SLC35F3: variants seen among roughly 807,000 people sequenced by gnomAD.
SLC35F3 encodes solute carrier family 35 member F3.
A neutral mutation model predicts 49.9 loss-of-function variants in SLC35F3; 25 were observed. The ratio of observed to expected loss-of-function variants is 0.50; its 90% CI spans 0.37 to 0.70. The LOEUF is 0.70. SLC35F3 is among the 30% of genes least tolerant of loss of function. SLC35F3 has a pLI of 0.00. For synonymous variants in SLC35F3, 275 were observed against 265.4 expected, an observed-to-expected ratio of 1.04 and a Z score of -0.35; for missense variants, 525 against 639.8, an observed-to-expected ratio of 0.82 and a Z score of 1.94.
intron 2 of SLC35F3, among the ~76,000 whole-genome samples, chr1:233,924,267 C>T (rs932417834): frequency 2.0e-5 from 3 of 152,120 alleles, no homozygotes; most frequent in African/African-American, 7.3e-5. Context: ...GTGAATCCAT[C>T]TGGTCCTACA....
intron 3 of SLC35F3, among the ~76,000 whole-genome samples, chr1:234,286,835 CGTTG>C (rs1558098710): frequency 8.5e-5 from 13 of 152,166 alleles, no homozygotes; most frequent in African/African-American, 1.7e-4. Flanking sequence ...TTTCCTCAAA[CGTTG>C]TGAGTTTTGC....
chr1:234,134,253 T>C (rs1458359351), intron 2 of SLC35F3, among the ~76,000 whole-genome samples: 1 of 149,648 alleles, frequency 6.7e-6, no homozygotes, highest in African/African-American at 2.4e-5. Flanking sequence ...AATGGGAAAA[T>C]TGTATATATA....
At chr1:234,251,930 C>T (rs1667744214) in intron 3 of SLC35F3, among the ~76,000 whole-genome samples, 1 of 151,636 alleles carries the variant, frequency 6.6e-6, no homozygotes, top group South Asian at 2.1e-4. Context: ...TACTGTAAGC[C>T]TAGATAAATT....
At chr1:234,148,513 A>C (rs1250853535) in intron 2 of SLC35F3, among the ~76,000 whole-genome samples, 2 of 152,152 alleles carry the variant, frequency 1.3e-5, no homozygotes, top group East Asian at 1.9e-4. Context: ...GGACAGGAGG[A>C]GAATGGCATA....
intron 2 of SLC35F3, among the ~76,000 whole-genome samples, chr1:234,184,889 G>A (rs1009059265): frequency 6.6e-6 from 1 of 152,112 alleles, no homozygotes; most frequent in Non-Finnish European, 1.5e-5. Context: ...TATTAGAAAT[G>A]CAGAATCTCA....
chr1:234,114,993 A>C (rs534839072), intron 2 of SLC35F3, among the ~76,000 whole-genome samples: 3 of 152,270 alleles, frequency 2.0e-5, no homozygotes, highest in Non-Finnish European at 4.4e-5. Flanking sequence ...AATATGGTAG[A>C]AAGGTATCCA....
chr1:233,958,873 C>T (rs187717195), intron 2 of SLC35F3, among the ~76,000 whole-genome samples: 2 of 152,280 alleles, frequency 1.3e-5, no homozygotes, highest in African/African-American at 2.4e-5. Flanking sequence ...TACAAAATAA[C>T]GCATGAGCAG....
At chr1:234,259,611 T>C (rs1318201677) in intron 3 of SLC35F3, among the ~76,000 whole-genome samples, 1 of 151,934 alleles carries the variant, frequency 6.6e-6, no homozygotes, top group Non-Finnish European at 1.5e-5. Flanking sequence ...GAGGCAGAGG[T>C]TGCAGTGAGC....
chr1:234,258,313 C>G lies in SLC35F3; in HGVS notation c.608+26572C>G, dbSNP rs77749487. The stretch of plus-strand genomic sequence containing the variant: ...TGAATTAGTTCCTCAATATGAGTCA[C>G]AGGTCCAGGTGGACTCCCTCAGTGA... On this transcript the variant is annotated intron_variant, in intron 3 of 7. Coordinates refer to ENST00000366618, the MANE Select transcript of SLC35F3 (RefSeq NM_173508.4). 8.0e-3 allele frequency among the ~76,000 whole-genome samples: 1,223 copies of G among 152,286 alleles called. 19 individuals are homozygous for G. The highest frequency in any genetic ancestry group is 0.028 in the African/African-American group (1,162 of 41,540).
At chr1:234,223,444 T>C (rs1404330523) in intron 2 of SLC35F3, among the ~76,000 whole-genome samples, 1 of 152,186 alleles carries the variant, frequency 6.6e-6, no homozygotes, top group Non-Finnish European at 1.5e-5. Flanking sequence ...ACCAGAGGAA[T>C]AATTTCCCAG....
chr1:234,057,496 C>T (rs1263645039), intron 2 of SLC35F3, among the ~76,000 whole-genome samples: 1 of 152,008 alleles, frequency 6.6e-6, no homozygotes, highest in African/African-American at 2.4e-5. Context: ...ATTTTTTATC[C>T]TGCTAGTTTG....
chr1:234,084,054 G>A (rs958196667), intron 2 of SLC35F3, among the ~76,000 whole-genome samples: 2 of 152,014 alleles, frequency 1.3e-5, no homozygotes, highest in African/African-American at 4.8e-5. Flanking sequence ...GGTCAGGCTG[G>A]TCTTGAACTC....
chr1:234,296,191 C>T (rs1428191043), intron 3 of SLC35F3, among the ~76,000 whole-genome samples: 1 of 152,080 alleles, frequency 6.6e-6, no homozygotes. Context: ...TTTCCTGAGC[C>T]GCCTATTCCA....
intron 3 of SLC35F3, among the ~76,000 whole-genome samples, chr1:234,287,620 C>T (rs188465358): frequency 2.8e-3 from 431 of 152,210 alleles, no homozygotes; most frequent in South Asian, 7.1e-3. Flanking sequence ...TATTAGTATC[C>T]CATGTTATAA....
chr1:234,086,183 T>G (rs1479258607), intron 2 of SLC35F3, among the ~76,000 whole-genome samples: 1 of 152,246 alleles, frequency 6.6e-6, no homozygotes, highest in Admixed American at 6.5e-5. Context: ...GATGTACCCC[T>G]GTATGCTGCA....
chr1:234,270,245 CT>C (rs990233548), intron 3 of SLC35F3, among the ~76,000 whole-genome samples: 5 of 152,166 alleles, frequency 3.3e-5, no homozygotes, highest in African/African-American at 1.2e-4. Flanking sequence ...CACCTGCCCC[CT>C]GCCTCAATTC....
chr1:234,112,860 C>T (rs896662107), intron 2 of SLC35F3, among the ~76,000 whole-genome samples: 5 of 148,874 alleles, frequency 3.4e-5, no homozygotes, highest in African/African-American at 1.2e-4. Flanking sequence ...CAGGCGTGAG[C>T]CACCGTGCCC....
intron 2 of SLC35F3, among the ~76,000 whole-genome samples, chr1:233,967,458 C>A (rs1441505754): frequency 6.6e-6 from 1 of 152,098 alleles, no homozygotes; most frequent in African/African-American, 2.4e-5. Context: ...TCTCATAGTA[C>A]CTGTTCTTCA....
chr1:233,946,965 T>C (rs1662522020), intron 2 of SLC35F3, among the ~76,000 whole-genome samples: 1 of 152,194 alleles, frequency 6.6e-6, no homozygotes, highest in African/African-American at 2.4e-5. Context: ...GATTAAATTT[T>C]GGGCAAAATA....
Sources: gnomAD v4.1 joint callset for allele counts (sites outside exome capture counted in the v4.1 genomes callset) on GRCh38, gnomAD v4.1.1 for gene constraint, MANE v1.5 for transcripts, NCBI Gene and HGNC (gene_info 2026-07-23, HGNC 2026-07-21) for gene names.